Variants in KLK13 observed in about 807,000 individuals in gnomAD.
KLK13 encodes the protein kallikrein related peptidase 13.
In KLK13, 19 loss-of-function variants were observed where a neutral mutation model predicts 22.4. The observed-to-expected ratio is 0.85, with a 90% CI of 0.59 to 1.24. The LOEUF (loss-of-function observed/expected upper bound fraction) is 1.24. Among genes scored for constraint, KLK13 ranks in the 50% most tolerant of loss-of-function variants. The probability of loss-of-function intolerance (pLI) is 0.00; values close to 1 mark genes in which losing one functional copy is unlikely to be tolerated. For missense variants in KLK13, 311 were observed against 347.9 expected, an observed-to-expected ratio of 0.89 and a Z score of 0.84; for synonymous variants, 156 against 141.8, an observed-to-expected ratio of 1.10 and a Z score of -0.71.
In KLK13 at chr19:51,056,171, G is replaced by A. The variant is rs187844157; in HGVS notation, c.*416C>T. On this transcript the variant is annotated 3_prime_UTR_variant, in exon 5 of 5. Coordinates refer to ENST00000595793, the MANE Select transcript of KLK13 (RefSeq NM_015596.3). ...CAAAAAATAGAAGGTCTAGGATACT[G>A]GCATTGAATAAATACTTGAAGAGTT... 134 of 169,644 alleles carry A rather than the reference G, an allele frequency of 7.9e-4. 2 individuals are homozygous for A. The highest frequency in any genetic ancestry group is 6.4e-4 in the African/African-American group (27 of 42,008). 10.5% of individuals were successfully genotyped at this position (169,644 alleles called of 1,614,324 possible).
chr19:51,064,954 G>T, intron 1 of KLK13, 62 bp downstream of exon 1: 1 of 1,448,538 alleles, frequency 6.9e-7, no homozygotes, highest in Non-Finnish European at 9.4e-7. Context: ...TCCCCCTCCG[G>T]CCTGACCCCT....
In KLK13 at chr19:51,059,962, T is replaced by C. The variant is rs775442106; in HGVS notation, c.371A>G (p.Asp124Gly). The change falls in exon 3 of 5, where the codon GAC (aspartate) becomes GGC (glycine). Residue 124 changes from aspartate (D) to glycine (G), a missense_variant. Coordinates refer to ENST00000595793, the MANE Select transcript of KLK13 (RefSeq NM_015596.3). Reference sequence around the variant, plus strand: ...GGACTGCAGCTCCAGAAGCATGATGTCATGGTCGTGGTTCAGGTGGGTGGG... The same window carrying C: ...GGACTGCAGCTCCAGAAGCATGATGCCATGGTCGTGGTTCAGGTGGGTGGG... ...RSPTHLNHDH[D>G]IMLLELQSPV... 1.2e-6 allele frequency: 2 copies of C among 1,613,236 alleles called. No individual in the cohort carries two copies. Among genetic ancestry groups the C allele is most frequent in the South Asian group, 2.2e-5 (2 of 91,024 alleles).
Position 51,056,312 on chromosome 19 carries a change from G to A in KLK13, c.*275C>T. On this transcript the variant is annotated 3_prime_UTR_variant, in exon 5 of 5. Transcript: ENST00000595793. The stretch of plus-strand genomic sequence containing the variant: ...GTTCAGGTGGTGATCTGGGCTCATA[G>A]AAGCCACACTGATGAAGTTGAGAGA... 2 of 422,898 alleles carry A rather than the reference G, an allele frequency of 4.7e-6. No individual in the cohort carries two copies. The highest frequency in any genetic ancestry group is 3.3e-5 in the South Asian group (1 of 30,442). The allele number at this position is 422,898 out of a possible 1,614,324, so 26.2% of individuals were successfully genotyped here.
chr19:51,060,089 G>C lies in KLK13; in HGVS notation c.244C>G (p.Leu82Val). The C allele has an allele frequency of 6.2e-7, 1 of 1,613,010 alleles. No homozygotes were observed. The highest frequency in any genetic ancestry group is 8.5e-7 in the Non-Finnish European group (1 of 1,179,606). The change falls in exon 3 of 5, where the codon CTC (leucine) becomes GTC (valine). Residue 82 changes from leucine to valine, a missense_variant. Transcript: ENST00000595793. ...LTAAHCLKEG[L>V]KVYLGKHALG... ...GCGTGCTTGCCTAGGTAAACTTTGA[G>C]CCCCCTGTGGGTGCAGAAAGAAGGT... is the stretch of plus-strand genomic sequence containing the variant.
chr19:51,059,816 G>C lies in KLK13; in HGVS notation c.508+9C>G. 1.3e-6 allele frequency: 2 copies of C among 1,591,112 alleles called. No homozygotes were observed. The highest frequency in any genetic ancestry group is 1.7e-6 in the Non-Finnish European group (2 of 1,167,858). Reference sequence around the variant, plus strand: ...TATGGGGCCTCAGGCCACCTGTGTGGGTGCATACCCTGGGGGCTGGTGGTG... The same window carrying C: ...TATGGGGCCTCAGGCCACCTGTGTGCGTGCATACCCTGGGGGCTGGTGGTG... On this transcript the variant is annotated intron_variant, in intron 3 of 4. Coordinates refer to ENST00000595793, the MANE Select transcript of KLK13 (RefSeq NM_015596.3).
Position 51,064,998 on chromosome 19 carries a change from AC to A in KLK13, c.52+17del. On this transcript the variant is annotated intron_variant, in intron 1 of 4. Transcript: ENST00000595793. ...TGTCCCGAATGGCCGCCGCGCCTCCACCCCCGCGCATTCTTACCTCCTGACA... is the reference window on the plus strand; with the variant it reads ...TGTCCCGAATGGCCGCCGCGCCTCCACCCCGCGCATTCTTACCTCCTGACA... 7.4e-7 allele frequency: 1 copy of A among 1,350,944 alleles called. No individual in the cohort carries two copies. 83.7% of individuals were successfully genotyped at this position (1,350,944 alleles called of 1,614,324 possible). A position where few individuals can be genotyped will look rare whatever the true frequency, so the allele number is the denominator to read the frequency against.
In KLK13 at chr19:51,059,943, C is replaced by G. The variant is rs2091710993; in HGVS notation, c.390G>C (p.Leu130=). ...NHDHDIMLLE[L]QSPVQLTGYI... ...AGCCTGTGAGCTGGACCGGGGACTG[C>G]AGCTCCAGAAGCATGATGTCATGGT... The change falls in exon 3 of 5, where the codon CTG becomes CTC. Residue 130 remains leucine, a synonymous_variant. Coordinates refer to ENST00000595793, the MANE Select transcript of KLK13 (RefSeq NM_015596.3). 1 of 1,612,248 alleles carries G rather than the reference C, an allele frequency of 6.2e-7. No homozygotes were observed. Among genetic ancestry groups the G allele is most frequent in the Admixed American group, 1.7e-5 (1 of 59,852 alleles).
In KLK13 at chr19:51,065,043, C is replaced by T; in HGVS notation, c.25G>A (p.Ala9Thr). 2.0e-6 allele frequency: 3 copies of T among 1,538,398 alleles called. No individual in the cohort carries two copies. The highest frequency in any genetic ancestry group is 2.6e-6 in the Non-Finnish European group (3 of 1,139,920). The change falls in exon 1 of 5, where the codon GCC (alanine) becomes ACC (threonine). Residue 9 changes from alanine to threonine, a missense_variant. Ala to Thr is a moderately conservative substitution (Grantham distance 58). Transcript: ENST00000595793. ...CCTGACAAGGCCAAGGTCAGGGAGGCGATCACTAGGGCCAGGGGCCACATG... is the reference window on the plus strand; with the variant it reads ...CCTGACAAGGCCAAGGTCAGGGAGGTGATCACTAGGGCCAGGGGCCACATG... MWPLALVI[A>T]SLTLALSGGV...
At chr19:51,064,869 G>A (rs1050247761) in intron 1 of KLK13, 147 bp downstream of exon 1, 1 of 685,546 alleles carries the variant, frequency 1.5e-6, no homozygotes, top group East Asian at 2.8e-5. Flanking sequence ...GGACAAGCAG[G>A]AAGAGCTCTG....
rs139772701 is a variant in KLK13, at chr19:51,059,923, G to C, written c.410C>G (p.Thr137Arg). 1.1e-5 allele frequency: 17 copies of C among 1,610,582 alleles called. No individual in the cohort carries two copies. Among genetic ancestry groups the C allele is most frequent in the Non-Finnish European group, 1.4e-5 (17 of 1,178,288 alleles). Reference sequence around the variant, plus strand: ...AAGGGGCAGGGTTTGGATGTAGCCTGTGAGCTGGACCGGGGACTGCAGCTC... The same window carrying C: ...AAGGGGCAGGGTTTGGATGTAGCCTCTGAGCTGGACCGGGGACTGCAGCTC... ...LLELQSPVQLTGYIQTLPLSH... is the reference protein window; with the variant it reads ...LLELQSPVQLRGYIQTLPLSH... Residue 137 changes from threonine (T) to arginine (R), a missense_variant, in exon 3 of 5, where the codon ACA becomes AGA. Coordinates refer to ENST00000595793, the MANE Select transcript of KLK13 (RefSeq NM_015596.3).
chr19:51,065,381 C>G (rs2122724677), upstream of KLK13, among the ~76,000 whole-genome samples: 1 of 152,222 alleles, frequency 6.6e-6, no homozygotes, highest in Admixed American at 6.5e-5. Flanking sequence ...TGCACTCTCG[C>G]CCTTTTCCTC....
rs746810767 is a variant in KLK13, at chr19:51,056,756, A to T, written c.665T>A (p.Leu222Gln). The T allele has an allele frequency of 6.2e-7, 1 of 1,613,678 alleles. No individual in the cohort carries two copies. The highest frequency in any genetic ancestry group is 1.7e-5 in the Admixed American group (1 of 59,974). Reference sequence around the variant, plus strand: ...GCCATACAGTGTTCTGTTACAGACCAGGGGGCCCCCAGAGTCACCCTGAGT... The same window carrying T: ...GCCATACAGTGTTCTGTTACAGACCTGGGGGCCCCCAGAGTCACCCTGAGT... ...DSCEGDSGGP[L>Q]VCNRTLYGIV... Residue 222 changes from leucine (L) to glutamine (Q), a missense_variant, in exon 5 of 5, where the codon CTG (leucine) becomes CAG (glutamine). Leu to Gln is a moderately radical substitution (Grantham distance 113, BLOSUM62 -2). Transcript: ENST00000595793.
chr19:51,061,120 TCCATCCATCCATCCAA>T (rs2091726385), intron 1 of KLK13, among the ~76,000 whole-genome samples: 1 of 151,970 alleles, frequency 6.6e-6, no homozygotes, highest in Non-Finnish European at 1.5e-5. Flanking sequence ...CATCCATCCA[TCCATCCATCCATCCAA>T]CCATCCATCC....
chr19:51,063,749 G>C, intron 1 of KLK13: 1 of 457,388 alleles, frequency 2.2e-6, no homozygotes, highest in South Asian at 1.5e-5. Context: ...GGCACCCACA[G>C]ATCCCTCCTT....
chr19:51,056,746 G>A lies in KLK13; in HGVS notation c.675C>T (p.Asn225=). The A allele has an allele frequency of 6.2e-7, 1 of 1,614,088 alleles. No homozygotes were observed. The highest frequency in any genetic ancestry group is 8.5e-7 in the Non-Finnish European group (1 of 1,179,994). The part of the protein sequence containing the change: ...EGDSGGPLVC[N]RTLYGIVSWG... Reference sequence around the variant, plus strand: ...AGGAGACGATGCCATACAGTGTTCTGTTACAGACCAGGGGGCCCCCAGAGT... The same window carrying A: ...AGGAGACGATGCCATACAGTGTTCTATTACAGACCAGGGGGCCCCCAGAGT... The change falls in exon 5 of 5, where the codon AAC becomes AAT. Residue 225 remains asparagine, a synonymous_variant. Coordinates refer to ENST00000595793, the MANE Select transcript of KLK13 (RefSeq NM_015596.3).
chr19:51,060,677 G>A lies in KLK13; in HGVS notation c.53-58C>T, dbSNP rs138329083. The stretch of plus-strand genomic sequence containing the variant: ...GATCCAGGGGGCAGAGGAGCCCTGG[G>A]GTTGTGGTTTCTGGGTTTGGGGTAA... On this transcript the variant is annotated intron_variant, in intron 1 of 4. Coordinates refer to ENST00000595793, the MANE Select transcript of KLK13 (RefSeq NM_015596.3). 1.6e-4 allele frequency: 219 copies of A among 1,397,650 alleles called. 3 individuals are homozygous for A. The African/African-American group carries it at 2.9e-3, about 18-fold the overall frequency. 86.6% of individuals were successfully genotyped at this position (1,397,650 alleles called of 1,614,324 possible).
At chr19:51,063,174 T>C (rs2091746080) in intron 1 of KLK13, among the ~76,000 whole-genome samples, 1 of 152,174 alleles carries the variant, frequency 6.6e-6, no homozygotes, top group Non-Finnish European at 1.5e-5. Context: ...TTTATTACAC[T>C]GAACCATCTG....
chr19:51,063,726 G>A, intron 1 of KLK13: 3 of 456,786 alleles, frequency 6.6e-6, no homozygotes. Context: ...GCCAAGGATG[G>A]TGCCAGGTGC....
chr19:51,063,504 C>T (rs553991141), intron 1 of KLK13: 11 of 362,346 alleles, frequency 3.0e-5, no homozygotes, highest in Middle Eastern at 9.6e-4. Context: ...CAGGCATCGC[C>T]GGTGTCATTG....
Sources: allele counts gnomAD v4.1 joint callset (sites outside exome capture counted in the v4.1 genomes callset), GRCh38; gene constraint gnomAD v4.1.1; transcripts MANE v1.5; gene names NCBI Gene and HGNC (gene_info 2026-07-23, HGNC 2026-07-21).